The following BRD10 variants were observed in gnomAD, a reference collection of about 807,000 sequenced individuals.
The protein encoded by BRD10 is uncharacterized bromodomain-containing protein 10.
chr9:5,988,570 C>T, the BRD10 span: 2 of 1,576,348 alleles, frequency 1.3e-6, no homozygotes, highest in Non-Finnish European at 8.7e-7. Context: ...AGTCAATTCA[C>T]AAGGTCAAAT....
chr9:6,008,311 G>A, the BRD10 span: 1 of 985,108 alleles, frequency 1.0e-6, no homozygotes, highest in African/African-American at 1.7e-5. Context: ...AGGAGGCGGT[G>A]CACGGACGGG....
the BRD10 span, among the ~76,000 whole-genome samples, chr9:5,914,964 TAA>T: frequency 2.0e-5 from 3 of 152,106 alleles, no homozygotes; most frequent in East Asian, 5.8e-4. Flanking sequence ...TTAGGTTTAA[TAA>T]AGAGAACCCC....
the BRD10 span, among the ~76,000 whole-genome samples, chr9:5,996,308 T>G: frequency 1.2e-4 from 1 of 8,446 alleles, no homozygotes; most frequent in African/African-American, 1.4e-4. Flanking sequence ...TGTAACTTGG[T>G]TTTTTTTTTT....
chr9:5,960,648 A>G, the BRD10 span, among the ~76,000 whole-genome samples: 1 of 151,996 alleles, frequency 6.6e-6, no homozygotes, highest in Non-Finnish European at 1.5e-5. Context: ...AAAGTATCTT[A>G]AAACACCATA....
the BRD10 span, among the ~76,000 whole-genome samples, chr9:5,987,088 T>C: frequency 6.6e-6 from 1 of 152,184 alleles, no homozygotes; most frequent in Non-Finnish European, 1.5e-5. Flanking sequence ...CATCACTCTG[T>C]GCCTCAGGAT....
chr9:5,885,562 G>A, the BRD10 span, among the ~76,000 whole-genome samples: 3 of 151,870 alleles, frequency 2.0e-5, no homozygotes, highest in Non-Finnish European at 4.4e-5. Context: ...TAGTAGAGAC[G>A]GGTTTTCTCC....
the BRD10 span, among the ~76,000 whole-genome samples, chr9:5,926,339 G>A: frequency 2.6e-5 from 4 of 151,818 alleles, no homozygotes; most frequent in Non-Finnish European, 5.9e-5. Flanking sequence ...ACAGGGTCTC[G>A]CTTTGTCGCC....
At chr9:5,969,987 T>C in the BRD10 span, among the ~76,000 whole-genome samples, 1 of 152,212 alleles carries the variant, frequency 6.6e-6, no homozygotes, top group Admixed American at 6.5e-5. Context: ...AATTCTTCAA[T>C]TTATAATGTA....
the BRD10 span, among the ~76,000 whole-genome samples, chr9:5,939,893 G>C: frequency 6.6e-6 from 1 of 152,132 alleles, no homozygotes; most frequent in Non-Finnish European, 1.5e-5. Flanking sequence ...TGTGTCCTAG[G>C]GAAGGGGAGC....
the BRD10 span, among the ~76,000 whole-genome samples, chr9:5,927,298 T>C: frequency 6.6e-6 from 1 of 152,192 alleles, no homozygotes. Context: ...AACACCTCCA[T>C]TTAAATGCAT....
At chr9:5,968,542 C>G in the BRD10 span, 1 of 1,613,666 alleles carries the variant, frequency 6.2e-7, no homozygotes, top group Non-Finnish European at 8.5e-7. Context: ...ATTTTACTCC[C>G]ATTTCAACAG....
the BRD10 span, among the ~76,000 whole-genome samples, chr9:5,935,865 G>A: frequency 8.9e-4 from 136 of 152,220 alleles, no homozygotes; most frequent in Non-Finnish European, 1.7e-3. Flanking sequence ...ATGTAACTGA[G>A]GTTTCTTCCT....
At chr9:5,994,661 A>G in the BRD10 span, among the ~76,000 whole-genome samples, 1 of 152,180 alleles carries the variant, frequency 6.6e-6, no homozygotes, top group Non-Finnish European at 1.5e-5. Context: ...CTCTTCTCTT[A>G]TCTCCCTGGA....
chr9:5,981,220 T>C, the BRD10 span, among the ~76,000 whole-genome samples: 30,065 of 152,154 alleles, frequency 0.2, 3,190 homozygotes, highest in Middle Eastern at 0.3. Flanking sequence ...TAAAGTGGGA[T>C]GAAGCATTTA....
At chr9:5,933,193 T>C in the BRD10 span, among the ~76,000 whole-genome samples, 1 of 152,216 alleles carries the variant, frequency 6.6e-6, no homozygotes, top group East Asian at 1.9e-4. Flanking sequence ...TGACTCTCCT[T>C]TATAAACAAG....
the BRD10 span, among the ~76,000 whole-genome samples, chr9:5,882,326 A>T: frequency 5.3e-5 from 8 of 152,064 alleles, no homozygotes; most frequent in South Asian, 1.7e-3. Context: ...GTTAAATACC[A>T]CCCCTTACAC....
the BRD10 span, chr9:5,922,556 G>C: frequency 6.2e-7 from 1 of 1,613,948 alleles, no homozygotes; most frequent in Non-Finnish European, 8.5e-7. Context: ...TGCTAAAGAA[G>C]AATTTATATT....
chr9:5,931,794 C>T, the BRD10 span, among the ~76,000 whole-genome samples: 1 of 152,112 alleles, frequency 6.6e-6, no homozygotes, highest in Non-Finnish European at 1.5e-5. Flanking sequence ...ATGACCACAA[C>T]AAAGGGCACC....
the BRD10 span, among the ~76,000 whole-genome samples, chr9:5,931,584 A>G: frequency 1.4e-4 from 22 of 152,112 alleles, no homozygotes; most frequent in South Asian, 2.1e-4. Flanking sequence ...TTTTAACATT[A>G]TATGTTTTGT....
Sources: gnomAD v4.1 joint callset for allele counts (sites outside exome capture counted in the v4.1 genomes callset) on GRCh38, gnomAD v4.1.1 for gene constraint, MANE v1.5 for transcripts, NCBI Gene and HGNC (gene_info 2026-07-23, HGNC 2026-07-21) for gene names.